TMEM120A: variants seen among roughly 807,000 people sequenced by gnomAD.
The protein encoded by TMEM120A is ion channel TACAN.
A neutral mutation model predicts 54.3 loss-of-function variants in TMEM120A; 45 were observed. That is an observed-to-expected ratio of 0.83 (90% CI 0.65 to 1.06). The LOEUF is 1.06. Ranked by LOEUF, TMEM120A falls within the 50% of genes least tolerant of loss-of-function variation. TMEM120A has a pLI of 0.00. For missense variants in TMEM120A, 424 were observed against 441.7 expected, an observed-to-expected ratio of 0.96 and a Z score of 0.36; for synonymous variants, 204 against 178.5, an observed-to-expected ratio of 1.14 and a Z score of -1.14.
chr7:75,987,980 C>CG lies in TMEM120A; in HGVS notation c.633dup (p.Asp212ArgfsTer78). 6.2e-7 allele frequency: 1 copy of CG among 1,600,014 alleles called. No individual in the cohort carries two copies. ...CGGAATTTCTGGTACATGAGACCGT[C>CG]GGGCCTAAGGTAAAAAGTGGAGGGC... On this transcript the variant is annotated frameshift_variant, in exon 8 of 12. Transcript: ENST00000493111. LOFTEE classifies it high-confidence loss of function.
intron 3 of TMEM120A, among the ~76,000 whole-genome samples, chr7:75,990,770 G>A (rs1200719458): frequency 6.6e-6 from 1 of 151,552 alleles, no homozygotes; most frequent in Non-Finnish European, 1.5e-5. Context: ...GTGGTGGCGG[G>A]CACCTGTAAT....
chr7:75,989,066 G>A (rs1789718002), intron 4 of TMEM120A, 99 bp downstream of exon 4: 1 of 260,066 alleles, frequency 3.8e-6, no homozygotes, highest in Non-Finnish European at 7.3e-6. Flanking sequence ...GGGTTCCGGG[G>A]GAAGGCTGGG....
chr7:75,987,999 G>A lies in TMEM120A; in HGVS notation c.630-15C>T, dbSNP rs1554560444. On this transcript the variant is annotated splice_polypyrimidine_tract_variant and intron_variant, in intron 7 of 11. Coordinates refer to ENST00000493111, the MANE Select transcript of TMEM120A (RefSeq NM_031925.3). ...GACCGTCGGGCCTAAGGTAAAAAGT[G>A]GAGGGCAGTGTGGGGACCCTTGGGG... is the stretch of plus-strand genomic sequence containing the variant. 6.3e-7 allele frequency: 1 copy of A among 1,597,870 alleles called. No individual in the cohort carries two copies. Among genetic ancestry groups the A allele is most frequent in the South Asian group, 1.1e-5 (1 of 88,760 alleles).
chr7:75,989,104 G>GGGTGGATGTTGAGGGGGGGA, intron 4 of TMEM120A, 61 bp downstream of exon 4: 2 of 470,618 alleles, frequency 4.2e-6, no homozygotes, highest in Non-Finnish European at 7.5e-6. Flanking sequence ...AGGGGGGGAG[G>GGGTGGATGTTGAGGGGGGGA]GGGGTAGGGG....
rs369280585 is a variant in TMEM120A at position 75,987,524 on chromosome 7, G to C, written c.849+14C>G. On this transcript the variant is annotated intron_variant, in intron 10 of 11. Coordinates refer to ENST00000493111, the MANE Select transcript of TMEM120A (RefSeq NM_031925.3). ...GGACAGACAGACAGGCAGGGACACA[G>C]AGGCACGACTTACGTGTCCAAAGAA... The C allele has an allele frequency of 5.1e-6, 8 of 1,582,918 alleles. No individual in the cohort carries two copies. Among genetic ancestry groups the C allele is most frequent in the African/African-American group, 1.4e-5 (1 of 74,018 alleles).
chr7:75,993,955 C>A, intron 1 of TMEM120A, among the ~76,000 whole-genome samples: 1 of 150,542 alleles, frequency 6.6e-6, no homozygotes, highest in East Asian at 2.0e-4. Context: ...CCCGCCCACC[C>A]CTCCCACCCG....
rs1789866814 is a variant in TMEM120A, at chr7:75,992,152, C to T, written c.309G>A (p.Lys103=). The T allele has an allele frequency of 6.2e-7, 1 of 1,602,602 alleles. No individual in the cohort carries two copies. The highest frequency in any genetic ancestry group is 8.5e-7 in the Non-Finnish European group (1 of 1,174,094). The change falls in exon 3 of 12, where the codon AAG becomes AAA. Residue 103 remains lysine, a synonymous_variant. Transcript: ENST00000493111. ...LFFDMEAYLP[K]KNGLYLSLVL... is the part of the protein sequence containing the mutation. ...GCGGTGGGGGCCCTCACCCATTCTT[C>T]TTAGGCAAATAGGCCTCCATGTCAA... is the stretch of plus-strand genomic sequence containing the variant.
Position 75,987,185 on chromosome 7 carries a change from C to T in TMEM120A, c.1019G>A (p.Ser340Asn). ...HHKFHSQRHGSKKD is the reference protein window; with the variant it reads ...HHKFHSQRHGNKKD The stretch of plus-strand genomic sequence containing the variant: ...GAAGGCCCAGCCTCAATCCTTCTTG[C>T]TCCCGTGCCGCTGACTGTGAAACTT... The change falls in exon 12 of 12, where the codon AGC becomes AAC. Residue 340 changes from serine (S) to asparagine (N), a missense_variant. Coordinates refer to ENST00000493111, the MANE Select transcript of TMEM120A (RefSeq NM_031925.3). 6.2e-7 allele frequency: 1 copy of T among 1,601,786 alleles called. No homozygotes were observed. The highest frequency in any genetic ancestry group is 1.7e-5 in the Admixed American group (1 of 58,228).
At chr7:75,987,680 A>G (rs947250156) in intron 9 of TMEM120A, 38 bp downstream of exon 9, 31 of 1,608,962 alleles carry the variant, frequency 1.9e-5, no homozygotes, top group Non-Finnish European at 2.6e-5. Flanking sequence ...ATGGGAGGAA[A>G]GGGGAATGTC....
rs574551965 is a variant in TMEM120A, at chr7:75,987,666, C to T, written c.784+52G>A. On this transcript the variant is annotated intron_variant, in intron 9 of 11. Coordinates refer to ENST00000493111, the MANE Select transcript of TMEM120A (RefSeq NM_031925.3). ...CAGAGGGGACGCTACCACTCAGACCCGGGATGGGAGGAAAGGGGAATGTCC... is the reference window on the plus strand; with the variant it reads ...CAGAGGGGACGCTACCACTCAGACCTGGGATGGGAGGAAAGGGGAATGTCC... The T allele has an allele frequency of 3.0e-4, 476 of 1,606,196 alleles. No homozygotes were observed. Among genetic ancestry groups the T allele is most frequent in the Non-Finnish European group, 3.7e-4 (431 of 1,176,922 alleles).
At position 75,992,428 on chromosome 7, in the gene TMEM120A, G is replaced by A; in HGVS notation, c.200+11C>T. On this transcript the variant is annotated intron_variant, in intron 2 of 11. Coordinates refer to ENST00000493111, the MANE Select transcript of TMEM120A (RefSeq NM_031925.3). ...ACTCTGCCCATGGCGGGTGGGGTAG[G>A]GGATCCTAACTTCTTCAGGGCGAGG... 3 of 1,587,362 alleles carry A rather than the reference G, an allele frequency of 1.9e-6. No homozygotes were observed. The highest frequency in any genetic ancestry group is 1.8e-4 in the Middle Eastern group (1 of 5,454).
intron 1 of TMEM120A, 26 bp downstream of exon 1, chr7:75,994,464 G>A (rs1031679026): frequency 3.9e-6 from 6 of 1,549,000 alleles, no homozygotes; most frequent in South Asian, 2.4e-5. Flanking sequence ...GCTCGGGGGC[G>A]ACCCGGCGTC....
In TMEM120A at chr7:75,987,196, C is replaced by T. The variant is rs527522913; in HGVS notation, c.1008G>A (p.Gln336=). Residue 336 remains glutamine (Q), a synonymous_variant, in exon 12 of 12, where the codon CAG becomes CAA. Coordinates refer to ENST00000493111, the MANE Select transcript of TMEM120A (RefSeq NM_031925.3). ...CTCAATCCTTCTTGCTCCCGTGCCGCTGACTGTGAAACTTGTGGTGCACAA... is the reference window on the plus strand; with the variant it reads ...CTCAATCCTTCTTGCTCCCGTGCCGTTGACTGTGAAACTTGTGGTGCACAA... ...LRVVHHKFHS[Q]RHGSKKD 817 of 1,606,070 alleles carry T rather than the reference C, an allele frequency of 5.1e-4. 11 individuals are homozygous for T. The South Asian group carries it at 8.5e-3, about 17-fold the overall frequency.
chr7:75,994,260 A>C (rs1459369325), intron 1 of TMEM120A, among the ~76,000 whole-genome samples: 1 of 152,134 alleles, frequency 6.6e-6, no homozygotes, highest in African/African-American at 2.4e-5. Context: ...CAAGGCCCTC[A>C]TTGGAAGCCG....
At chr7:75,987,690 C>T in intron 9 of TMEM120A, 28 bp downstream of exon 9, 1 of 1,610,166 alleles carries the variant, frequency 6.2e-7, no homozygotes, top group Non-Finnish European at 8.5e-7. Context: ...AGGGGAATGT[C>T]CAGATGCCAG....
intron 6 of TMEM120A, 35 bp from the exon 7 acceptor site, chr7:75,988,183 G>T: frequency 1.2e-6 from 2 of 1,611,444 alleles, no homozygotes; most frequent in Non-Finnish European, 1.7e-6. Context: ...CCCAGCGCCT[G>T]TTCCTGCTTC....
chr7:75,988,156 A>G lies in TMEM120A; in HGVS notation c.564-8T>C. On this transcript the variant is annotated splice_polypyrimidine_tract_variant and splice_region_variant and intron_variant, in intron 6 of 11. Coordinates refer to ENST00000493111, the MANE Select transcript of TMEM120A (RefSeq NM_031925.3). ...ACCCACCAGCCTTTGATCCTGGAGCAGAGAGCCACCATCACCCCCAGCGCC... is the reference window on the plus strand; with the variant it reads ...ACCCACCAGCCTTTGATCCTGGAGCGGAGAGCCACCATCACCCCCAGCGCC... The G allele has an allele frequency of 6.2e-7, 1 of 1,610,918 alleles. No homozygotes were observed. The highest frequency in any genetic ancestry group is 8.5e-7 in the Non-Finnish European group (1 of 1,179,162).
chr7:75,989,137 T>TGGAGGGGGGGAGGGG, intron 4 of TMEM120A, 28 bp downstream of exon 4: 6 of 652,056 alleles, frequency 9.2e-6, no homozygotes, highest in East Asian at 1.8e-4. Context: ...GGGGTGGAGG[T>TGGAGGGGGGGAGGGG]TGGGGGGTGG....
Position 75,987,721 on chromosome 7 carries a change from C to A in TMEM120A, c.781G>T (p.Val261Leu). 1 of 1,612,286 alleles carries A rather than the reference C, an allele frequency of 6.2e-7. No individual in the cohort carries two copies. Among genetic ancestry groups the A allele is most frequent in the Non-Finnish European group, 8.5e-7 (1 of 1,179,736 alleles). ...LGERHTMDLT[V>L]EGFQSWMWRG... The stretch of plus-strand genomic sequence containing the variant: ...GCCAGGGCCACTCCCGACTCACCCA[C>A]AGTGAGGTCCATGGTGTGCCGCTCG... The change falls in exon 9 of 12, where the codon GTG becomes TTG. Residue 261 changes from valine (V) to leucine (L), a missense_variant. Coordinates refer to ENST00000493111, the MANE Select transcript of TMEM120A (RefSeq NM_031925.3).
Sources: allele counts gnomAD v4.1 joint callset (sites outside exome capture counted in the v4.1 genomes callset), GRCh38; gene constraint gnomAD v4.1.1; transcripts MANE v1.5; gene names NCBI Gene and HGNC (gene_info 2026-07-23, HGNC 2026-07-21).